The following FBXO36 variants were observed in gnomAD, a reference collection of about 807,000 sequenced individuals.
FBXO36 encodes the protein F-box only protein 36.
Under a neutral mutation model 17.0 loss-of-function variants are expected in FBXO36, and 18 were observed. The observed-to-expected ratio is 1.06, with a 90% CI of 0.73 to 1.57. The LOEUF (loss-of-function observed/expected upper bound fraction) is 1.57. Among genes scored for constraint, FBXO36 ranks in the 40% most tolerant of loss-of-function variants. The probability of loss-of-function intolerance (pLI) is 0.00; values close to 1 mark genes in which losing one functional copy is unlikely to be tolerated. For missense variants in FBXO36, 229 were observed against 221.9 expected (o/e 1.03, Z -0.20); for synonymous variants, 83 against 85.3 (o/e 0.97, Z 0.15).
chr2:229,955,422 G>A (rs1199328069), intron 1 of FBXO36, among the ~76,000 whole-genome samples: 2 of 151,962 alleles, frequency 1.3e-5, no homozygotes, highest in East Asian at 3.9e-4. Flanking sequence ...AGGCTGAGGT[G>A]GTAGGATCCC....
intron 1 of FBXO36, among the ~76,000 whole-genome samples, chr2:229,929,738 A>G (rs940403199): frequency 3.4e-4 from 52 of 152,182 alleles, no homozygotes; most frequent in African/African-American, 1.1e-3. Context: ...GCACGCCTGT[A>G]GTCCCAGCTA....
chr2:229,980,313 G>A (rs2077231630), intron 2 of FBXO36, among the ~76,000 whole-genome samples: 1 of 146,172 alleles, frequency 6.8e-6, no homozygotes, highest in South Asian at 2.1e-4. Context: ...TGGCTGCCTC[G>A]GCCTCCCAAA....
intron 2 of FBXO36, among the ~76,000 whole-genome samples, chr2:229,984,476 G>GC (rs56354372): frequency 0.76 from 114,277 of 150,124 alleles, 43,746 homozygotes; most frequent in East Asian, 0.8. Context: ...CTGCAACGCC[G>GC]CTCCCGGGTT....
chr2:229,932,755 T>TTTTC, intron 1 of FBXO36: 1 of 160,920 alleles, frequency 6.2e-6, no homozygotes, highest in Admixed American at 6.4e-5. Context: ...TTTTCTTTTC[T>TTTTC]TTTCTTTTCT....
At chr2:229,994,292 AC>A (rs2077313685) in intron 2 of FBXO36, among the ~76,000 whole-genome samples, 1 of 151,796 alleles carries the variant, frequency 6.6e-6, no homozygotes, top group African/African-American at 2.4e-5. Flanking sequence ...GCTATTCCTC[AC>A]CCCCCAAGAA....
chr2:229,931,563 C>T (rs1158347024), intron 1 of FBXO36, among the ~76,000 whole-genome samples: 3 of 152,078 alleles, frequency 2.0e-5, no homozygotes, highest in African/African-American at 2.4e-5. Context: ...GTTTCACGAC[C>T]GGCATGTTGG....
At chr2:229,953,877 T>A (rs1025509153) in intron 1 of FBXO36, among the ~76,000 whole-genome samples, 9 of 152,222 alleles carry the variant, frequency 5.9e-5, no homozygotes, top group South Asian at 2.1e-4. Flanking sequence ...TCTTTTTTTT[T>A]AAATTTTAAA....
intron 2 of FBXO36, among the ~76,000 whole-genome samples, chr2:229,978,716 C>T (rs765466138): frequency 3.3e-5 from 5 of 151,690 alleles, no homozygotes; most frequent in Non-Finnish European, 5.9e-5. Flanking sequence ...GTTATAACAT[C>T]CTTGTGAAAT....
chr2:229,972,649 G>T (rs2077186642), intron 1 of FBXO36, among the ~76,000 whole-genome samples: 1 of 151,792 alleles, frequency 6.6e-6, no homozygotes, highest in Non-Finnish European at 1.5e-5. Flanking sequence ...CCGACATTCA[G>T]TGGGATGAGT....
chr2:230,008,060 G>C (rs2077396170), intron 3 of FBXO36, among the ~76,000 whole-genome samples: 1 of 152,128 alleles, frequency 6.6e-6, no homozygotes, highest in Admixed American at 6.6e-5. Flanking sequence ...CGATATTAAG[G>C]TTGTACAGAT....
chr2:229,993,407 A>ATTCT (rs2077308370), intron 2 of FBXO36, among the ~76,000 whole-genome samples: 1 of 152,216 alleles, frequency 6.6e-6, no homozygotes, highest in African/African-American at 2.4e-5. Context: ...GCAAAGCAGA[A>ATTCT]GCCTTTATGA....
At chr2:230,007,707 C>T (rs528657293) in intron 3 of FBXO36, among the ~76,000 whole-genome samples, 29 of 152,214 alleles carry the variant, frequency 1.9e-4, no homozygotes, top group African/African-American at 6.5e-4. Flanking sequence ...TCAAGCGATT[C>T]TCCCTCAGCC....
At chr2:230,009,044 T>C (rs889257557) in intron 3 of FBXO36, among the ~76,000 whole-genome samples, 1 of 152,198 alleles carries the variant, frequency 6.6e-6, no homozygotes, top group Non-Finnish European at 1.5e-5. Flanking sequence ...TCTCTTCCCT[T>C]ATTGGAGTAC....
chr2:229,991,597 GTCT>G (rs1219956311), intron 2 of FBXO36, among the ~76,000 whole-genome samples: 8 of 152,326 alleles, frequency 5.3e-5, no homozygotes, highest in African/African-American at 1.7e-4. Flanking sequence ...AGGGTCCAAA[GTCT>G]TCTCCTTTTG....
chr2:229,951,536 G>A (rs1232656313), intron 1 of FBXO36, among the ~76,000 whole-genome samples: 10 of 152,330 alleles, frequency 6.6e-5, no homozygotes, highest in South Asian at 2.1e-4. Context: ...GAGCCGCCGC[G>A]CCCAGCCCAG....
At chr2:229,954,974 C>G (rs2077079243) in intron 1 of FBXO36, among the ~76,000 whole-genome samples, 1 of 151,882 alleles carries the variant, frequency 6.6e-6, no homozygotes. Context: ...CTCAGCCTCC[C>G]AAGTAGCTGG....
At chr2:230,007,013 C>G (rs2077390309) in intron 3 of FBXO36, among the ~76,000 whole-genome samples, 1 of 152,224 alleles carries the variant, frequency 6.6e-6, no homozygotes, top group Admixed American at 6.5e-5. Context: ...TTGACCAAGG[C>G]CTGGAGCCTG....
chr2:229,926,594 A>T (rs1043315417), intron 1 of FBXO36, among the ~76,000 whole-genome samples: 6 of 151,616 alleles, frequency 4.0e-5, no homozygotes, highest in Admixed American at 2.6e-4. Flanking sequence ...AAATAAAAAA[A>T]TTAGCTGGGC....
intron 2 of FBXO36, among the ~76,000 whole-genome samples, chr2:229,994,868 C>T (rs755643373): frequency 1.3e-5 from 2 of 152,162 alleles, no homozygotes; most frequent in Non-Finnish European, 2.9e-5. Context: ...GTAATCCCAG[C>T]ACTTTGGGAG....
Sources: gnomAD v4.1 joint callset for allele counts (sites outside exome capture counted in the v4.1 genomes callset) on GRCh38, gnomAD v4.1.1 for gene constraint, MANE v1.5 for transcripts, NCBI Gene and HGNC (gene_info 2026-07-23, HGNC 2026-07-21) for gene names.